COA1: variants seen among roughly 807,000 people sequenced by gnomAD.
COA1 encodes the protein cytochrome c oxidase assembly factor 1 homolog.
A neutral mutation model predicts 16.0 loss-of-function variants in COA1; 13 were observed. The observed-to-expected ratio is 0.81, with a 90% CI of 0.53 to 1.29. COA1 has a LOEUF of 1.29. COA1 is among the 50% of genes most tolerant of loss of function. COA1 has a pLI of 0.00. For synonymous variants in COA1, 65 were observed against 65.7 expected (o/e 0.99, Z 0.05); for missense variants, 179 against 177.0 (o/e 1.01, Z -0.06).
chr7:43,647,790 TG>T, intron 2 of COA1, 156 bp from the exon 3 acceptor site: 1 of 630,626 alleles, frequency 1.6e-6, no homozygotes. Flanking sequence ...ATGCCAGGGT[TG>T]GTTCTGAAGC....
chr7:43,715,742 T>C (rs1167055215), intron 1 of COA1, among the ~76,000 whole-genome samples: 2 of 152,190 alleles, frequency 1.3e-5, no homozygotes, highest in Non-Finnish European at 2.9e-5. Flanking sequence ...ACGGGTAGTA[T>C]TTAGAGACAC....
intron 6 of COA1, among the ~76,000 whole-genome samples, chr7:43,615,375 T>A (rs1385744713): frequency 6.6e-6 from 1 of 152,038 alleles, no homozygotes; most frequent in Non-Finnish European, 1.5e-5. Flanking sequence ...CAGGTTTTCA[T>A]CATGTTGCCC....
At chr7:43,703,566 T>C (rs1227213917) in intron 1 of COA1, among the ~76,000 whole-genome samples, 2 of 152,196 alleles carry the variant, frequency 1.3e-5, no homozygotes, top group African/African-American at 4.8e-5. Flanking sequence ...TTGAATTGAA[T>C]CTTTTATCAT....
At chr7:43,678,490 A>G (rs1340763471) in intron 1 of COA1, among the ~76,000 whole-genome samples, 1 of 152,226 alleles carries the variant, frequency 6.6e-6, no homozygotes, top group African/African-American at 2.4e-5. Flanking sequence ...ACTGGACTAC[A>G]TCGAAACTGA....
rs1305565585 is a variant in COA1 at position 43,645,289 on chromosome 7, T to C, written c.226A>G (p.Ile76Val). ...ATGTCCACGAAGTTTTCCCTGTCGA[T>C]GAGCTTGAGATAATGGATGTTGAGA... ...PPLNIHYLKL[I>V]DRENFVDIVD... Residue 76 changes from isoleucine (I) to valine (V), a missense_variant, in exon 4 of 6, where the codon ATC becomes GTC. Transcript: ENST00000223336. 2 of 1,613,942 alleles carry C rather than the reference T, an allele frequency of 1.2e-6. No individual in the cohort carries two copies.
intron 1 of COA1, among the ~76,000 whole-genome samples, chr7:43,671,713 C>T (rs1442258135): frequency 6.6e-6 from 1 of 152,172 alleles, no homozygotes; most frequent in Non-Finnish European, 1.5e-5. Context: ...TCATCTTGGA[C>T]TGTAATACAC....
intron 6 of COA1, among the ~76,000 whole-genome samples, chr7:43,630,000 T>A (rs10278303): frequency 0.019 from 2,835 of 152,326 alleles, 95 homozygotes; most frequent in African/African-American, 0.065. Flanking sequence ...GTCAGCATAC[T>A]GTGGCCTGTG....
chr7:43,624,926 A>G (rs1160191512), intron 6 of COA1: 2 of 1,214,394 alleles, frequency 1.6e-6, no homozygotes, highest in Non-Finnish European at 2.3e-6. Context: ...TGGTACATGT[A>G]CTGGAAGTGG....
chr7:43,685,856 C>T (rs1206244754), intron 1 of COA1, among the ~76,000 whole-genome samples: 1 of 152,194 alleles, frequency 6.6e-6, no homozygotes, highest in African/African-American at 2.4e-5. Flanking sequence ...CCAAACACTA[C>T]TGTAAACACC....
chr7:43,640,997 A>G (rs2086903211), intron 4 of COA1: 1 of 199,830 alleles, frequency 5.0e-6, no homozygotes, highest in African/African-American at 2.4e-5. Flanking sequence ...ACACCAAGCC[A>G]AAGGGCTTTA....
chr7:43,681,707 ATAG>A (rs747235384), intron 1 of COA1, among the ~76,000 whole-genome samples: 23 of 152,252 alleles, frequency 1.5e-4, no homozygotes, highest in Admixed American at 5.9e-4. Context: ...GGCTGAATTT[ATAG>A]TACTAAGCAG....
intron 1 of COA1, among the ~76,000 whole-genome samples, chr7:43,706,400 T>C (rs1188457372): frequency 1.3e-5 from 2 of 151,610 alleles, no homozygotes; most frequent in Non-Finnish European, 1.5e-5. Flanking sequence ...ATACAAAAAT[T>C]AACCAGACAT....
chr7:43,639,529 G>A lies in COA1; in HGVS notation c.*53C>T. On this transcript the variant is annotated 3_prime_UTR_variant, in exon 6 of 6. Coordinates refer to ENST00000223336, the MANE Select transcript of COA1 (RefSeq NM_018224.4). ...GGGCCACCACCCCAGTGGCCATATG[G>A]TAGAGATGAGGGAAGGATGGACTAG... 1 of 1,457,754 alleles carries A rather than the reference G, an allele frequency of 6.9e-7. No homozygotes were observed. The highest frequency in any genetic ancestry group is 9.6e-7 in the Non-Finnish European group (1 of 1,039,014). The allele number at this position is 1,457,754 out of a possible 1,614,324, so 90.3% of individuals were successfully genotyped here.
chr7:43,669,448 C>G (rs1263370164), intron 1 of COA1, among the ~76,000 whole-genome samples: 1 of 152,144 alleles, frequency 6.6e-6, no homozygotes, highest in Non-Finnish European at 1.5e-5. Flanking sequence ...CCTGGCAACA[C>G]GGCCGCCCCC....
At chr7:43,710,075 T>TG (rs1335098530) in intron 1 of COA1, among the ~76,000 whole-genome samples, 1 of 151,932 alleles carries the variant, frequency 6.6e-6, no homozygotes, top group Non-Finnish European at 1.5e-5. Context: ...AGTTGCCAGA[T>TG]GCGGTGGCGC....
chr7:43,648,952 A>G, intron 1 of COA1: 1 of 274,944 alleles, frequency 3.6e-6, no homozygotes, highest in Non-Finnish European at 6.9e-6. Context: ...CTTTGACCAC[A>G]GCACAAACAC....
At chr7:43,616,500 A>T (rs2083357809) in intron 6 of COA1, among the ~76,000 whole-genome samples, 1 of 152,192 alleles carries the variant, frequency 6.6e-6, no homozygotes, top group Non-Finnish European at 1.5e-5. Flanking sequence ...GAAGCTGTAG[A>T]TTCTTCCCGT....
At chr7:43,610,076 G>T (rs1045041055) in intron 6 of COA1, among the ~76,000 whole-genome samples, 15 of 152,212 alleles carry the variant, frequency 9.9e-5, no homozygotes, top group Non-Finnish European at 2.9e-5. Flanking sequence ...GCCGGGCGCG[G>T]TGGCTCACGC....
At chr7:43,651,689 T>TAGAAA (rs2090815992) in intron 1 of COA1, among the ~76,000 whole-genome samples, 1 of 107,186 alleles carries the variant, frequency 9.3e-6, no homozygotes, top group African/African-American at 3.8e-5. Context: ...AGGAAGAGCT[T>TAGAAA]AAAAAAAAAA....
Sources: gnomAD v4.1 joint callset for allele counts (sites outside exome capture counted in the v4.1 genomes callset) on GRCh38, gnomAD v4.1.1 for gene constraint, MANE v1.5 for transcripts, NCBI Gene and HGNC (gene_info 2026-07-23, HGNC 2026-07-21) for gene names.